The following ZNF717 variants were observed in gnomAD, a reference collection of about 807,000 sequenced individuals.
ZNF717 encodes zinc finger protein 717.
In ZNF717, 9 loss-of-function variants were observed where a neutral mutation model predicts 13.8. The ratio of observed to expected loss-of-function variants is 0.65; its 90% CI spans 0.39 to 1.14. The LOEUF (loss-of-function observed/expected upper bound fraction) is 1.14. ZNF717 is among the 50% of genes most tolerant of loss of function. The pLI is 0.01. For missense variants in ZNF717, 1,040 were observed against 1,080.7 expected (o/e 0.96, Z 0.53); for synonymous variants, 327 against 364.1 (o/e 0.90, Z 1.16).
At chr3:75,704,718 T>A (rs1472305504), downstream of ZNF717, among the ~76,000 whole-genome samples, 3 of 152,312 alleles carry the variant, frequency 2.0e-5, no homozygotes, top group Non-Finnish European at 1.5e-5. Context: ...GTCACCTCTC[T>A]GCTCAGCGCC....
exon 6 of ZNF717, chr3:75,710,504 G>C (rs75231823): frequency 5.8e-4 from 80 of 137,252 alleles, no homozygotes; most frequent in African/African-American, 2.0e-3. Flanking sequence ...AGGAGGAGGA[G>C]GGGTAAAAAT....
intron 2 of ZNF717, among the ~76,000 whole-genome samples, chr3:75,762,905 A>G (rs148276192): frequency 4.6e-5 from 7 of 152,322 alleles, no homozygotes; most frequent in Non-Finnish European, 7.3e-5. Context: ...ATATGGTCCA[A>G]TGATCTTCCA....
intron 2 of ZNF717, among the ~76,000 whole-genome samples, chr3:75,776,864 A>C (rs1944361079): frequency 6.6e-6 from 1 of 152,190 alleles, no homozygotes; most frequent in Non-Finnish European, 1.5e-5. Flanking sequence ...TGGAGAAAAC[A>C]TGGGGTATTA....
intron 5 of ZNF717, among the ~76,000 whole-genome samples, chr3:75,715,584 T>C (rs1413445417): frequency 2.6e-5 from 4 of 152,220 alleles, no homozygotes; most frequent in African/African-American, 4.8e-5. Flanking sequence ...CCTAAATTTA[T>C]ATTTCTTATT....
At chr3:75,753,244 C>T (rs1040902475) in intron 2 of ZNF717, among the ~76,000 whole-genome samples, 4 of 150,670 alleles carry the variant, frequency 2.7e-5, no homozygotes, top group South Asian at 2.1e-4. Context: ...AACACTGCTG[C>T]GAGGGTCTAA....
intron 2 of ZNF717, among the ~76,000 whole-genome samples, chr3:75,775,587 G>A (rs1944246112): frequency 6.6e-6 from 1 of 152,192 alleles, no homozygotes; most frequent in Admixed American, 6.5e-5. Context: ...GGGCACAGTG[G>A]CTCACGTCTG....
intron 4 of ZNF717, among the ~76,000 whole-genome samples, chr3:75,718,368 G>C (rs1435543440): frequency 1.3e-5 from 2 of 152,148 alleles, no homozygotes. Context: ...GTTACGGTCA[G>C]TAAGAGACAG....
chr3:75,727,052 CAGA>C (rs1174679785), downstream of ZNF717, among the ~76,000 whole-genome samples: 4 of 152,338 alleles, frequency 2.6e-5, no homozygotes, highest in South Asian at 4.1e-4. Context: ...GGAACCGTGG[CAGA>C]AGAACATAAA....
At chr3:75,757,454 T>G (rs1250867619) in intron 2 of ZNF717, among the ~76,000 whole-genome samples, 1 of 152,334 alleles carries the variant, frequency 6.6e-6, no homozygotes, top group South Asian at 2.1e-4. Flanking sequence ...CAAATATGGC[T>G]TACTAAATAT....
At chr3:75,709,060 G>A (rs1575714924), downstream of ZNF717, among the ~76,000 whole-genome samples, 1 of 151,482 alleles carries the variant, frequency 6.6e-6, no homozygotes, top group Admixed American at 6.6e-5. Context: ...GAGTGCAGTG[G>A]TGTGATCTCG....
rs4011155 is a variant in ZNF717, at chr3:75,739,283, G to C, written c.340C>G (p.Gln114Glu). 1.3e-6 allele frequency: 2 copies of C among 1,518,426 alleles called. No homozygotes were observed. Among genetic ancestry groups the C allele is most frequent in the Admixed American group, 4.4e-5 (2 of 45,496 alleles). 94.1% of individuals were successfully genotyped at this position (1,518,426 alleles called of 1,614,324 possible). A position where few individuals can be genotyped will look rare whatever the true frequency, so the allele number is the denominator to read the frequency against. ...GTGTTGCTGTTGGTGATTACAATTT[G>C]CCAGAAAAATCTATCATGACTTTCA... ...SHESHDRFFW[Q>E]IVITNSNTST... Residue 114 changes from glutamine (Q) to glutamate (E), a missense_variant, in exon 5 of 5, where the codon CAA becomes GAA. By Grantham distance (29) the Gln-to-Glu change is conservative. This residue lies in a region of ZNF717 where 123 missense variants were observed against 177.8 expected (regional missense o/e 0.69). Transcript: ENST00000652011.
chr3:75,775,949 A>G (rs1459666655), intron 2 of ZNF717, among the ~76,000 whole-genome samples: 2 of 152,266 alleles, frequency 1.3e-5, no homozygotes, highest in Non-Finnish European at 2.9e-5. Flanking sequence ...ATACCAAGGA[A>G]ATATTTTGCC....
intron 2 of ZNF717, among the ~76,000 whole-genome samples, chr3:75,762,404 G>C (rs1280823568): frequency 1.4e-5 from 2 of 144,072 alleles, no homozygotes; most frequent in Admixed American, 7.2e-5. Context: ...CAGTGCCACT[G>C]CACTCCAGCC....
chr3:75,737,101 G>C lies in ZNF717; in HGVS notation c.2522C>G (p.Pro841Arg), dbSNP rs79138891. 32 of 1,567,512 alleles carry C rather than the reference G, an allele frequency of 2.0e-5. No homozygotes were observed. In the South Asian group the frequency reaches 3.5e-4, roughly 17 times the overall value. The part of the protein sequence containing the change: ...VHHRTHTGEK[P>R]FRCNECRKTF... The stretch of plus-strand genomic sequence containing the variant: ...TTTCCTACATTCATTACATCTAAAG[G>C]GTTTTTCCCCTGTGTGAGTTCTGTG... Residue 841 changes from proline (P) to arginine (R), a missense_variant, in exon 5 of 5, where the codon CCC (proline) becomes CGC (arginine). Around this residue, in one of 3 missense-constraint regions of ZNF717, gnomAD observed 873 missense variants for 832.8 expected, o/e 1.05. Transcript: ENST00000652011.
intron 2 of ZNF717, among the ~76,000 whole-genome samples, chr3:75,747,374 T>C (rs1260525042): frequency 6.6e-6 from 1 of 152,182 alleles, no homozygotes; most frequent in African/African-American, 2.4e-5. Flanking sequence ...AACTTTAAAG[T>C]AGTTTTTTCC....
chr3:75,700,500 A>G (rs1937671188), intron 6 of ZNF717, among the ~76,000 whole-genome samples: 1 of 152,312 alleles, frequency 6.6e-6, no homozygotes, highest in South Asian at 2.1e-4. Flanking sequence ...AGTATATAAA[A>G]CAAAACTGGA....
chr3:75,758,146 A>G (rs926519078), intron 2 of ZNF717, among the ~76,000 whole-genome samples: 3 of 149,816 alleles, frequency 2.0e-5, no homozygotes, highest in Non-Finnish European at 1.5e-5. Flanking sequence ...AGAGAGAGAG[A>G]TAAGTTGTCA....
intron 2 of ZNF717, among the ~76,000 whole-genome samples, chr3:75,778,242 G>T (rs531586385): frequency 2.7e-5 from 4 of 148,646 alleles, no homozygotes; most frequent in South Asian, 4.3e-4. Flanking sequence ...TGGAGCTGAC[G>T]TGCTAAAACC....
intron 2 of ZNF717, among the ~76,000 whole-genome samples, chr3:75,781,656 C>G (rs2107749600): frequency 6.6e-6 from 1 of 152,316 alleles, no homozygotes; most frequent in South Asian, 2.1e-4. Context: ...TCAAGGGCTC[C>G]TTACCCACTC....
Sources: gnomAD v4.1 joint callset for allele counts (sites outside exome capture counted in the v4.1 genomes callset) on GRCh38, gnomAD v4.1.1 for gene constraint, gnomAD v4.1.1 regional missense constraint, MANE v1.5 for transcripts, NCBI Gene and HGNC (gene_info 2026-07-23, HGNC 2026-07-21) for gene names.